Variants in PCDH11X observed in about 807,000 individuals in gnomAD.
The protein encoded by PCDH11X is protocadherin-11 X-linked.
In PCDH11X, 18 loss-of-function variants were observed where a neutral mutation model predicts 53.3. The observed-to-expected ratio is 0.34, with a 90% CI of 0.23 to 0.50. The LOEUF (loss-of-function observed/expected upper bound fraction) is 0.50, where lower values mean the gene tolerates loss of function less well. Among genes scored for constraint, PCDH11X ranks in the 20% least tolerant of loss-of-function variants. The pLI, the probability that PCDH11X is intolerant of heterozygous loss-of-function variation, is 0.98. For missense variants in PCDH11X, 570 were observed against 1,032.4 expected (o/e 0.55, Z 6.14); for synonymous variants, 279 against 393.3 (o/e 0.71, Z 3.44).
chrX:92,517,957 G>C (rs952205704), intron 10 of PCDH11X, among the ~76,000 whole-genome samples: 3 of 110,600 alleles, frequency 2.7e-5, no homozygotes, highest in Non-Finnish European at 5.7e-5. Context: ...TTGTCACAGT[G>C]CAATGATAGC....
At chrX:92,327,460 C>T (rs2069364575) in intron 8 of PCDH11X, among the ~76,000 whole-genome samples, 1 of 97,357 alleles carries the variant, frequency 1.0e-5, no homozygotes, top group African/African-American at 3.9e-5. Flanking sequence ...TAAAAAGACT[C>T]ATAAAAAAGG....
chrX:91,819,647 CT>C (rs770373562), intron 4 of PCDH11X, among the ~76,000 whole-genome samples: 10 of 105,205 alleles, frequency 9.5e-5, no homozygotes, highest in South Asian at 8.2e-4. Flanking sequence ...TTTTTCCTTT[CT>C]TTTTTTTATT....
At chrX:91,871,880 T>G (rs1321213496) in intron 5 of PCDH11X, among the ~76,000 whole-genome samples, 1 of 110,958 alleles carries the variant, frequency 9.0e-6, no homozygotes, top group African/African-American at 3.3e-5. Context: ...TAGGAAGAAA[T>G]ATCACTCACA....
chrX:92,211,317 C>T (rs1401316035), intron 7 of PCDH11X, among the ~76,000 whole-genome samples: 3 of 110,874 alleles, frequency 2.7e-5, no homozygotes, highest in Non-Finnish European at 3.8e-5. Context: ...CACTTACGAA[C>T]AACCAGGTAG....
At chrX:91,907,410 CACAGAG>C (rs1220677017) in intron 6 of PCDH11X, among the ~76,000 whole-genome samples, 4 of 56,203 alleles carry the variant, frequency 7.1e-5, no homozygotes, top group African/African-American at 3.0e-4. Flanking sequence ...CACACACACA[CACAGAG>C]AGAGAGAGAG....
intron 6 of PCDH11X, among the ~76,000 whole-genome samples, chrX:92,129,378 G>A (rs908457437): frequency 9.0e-6 from 1 of 111,541 alleles, no homozygotes; most frequent in Non-Finnish European, 1.9e-5. Flanking sequence ...GCAACAGAGC[G>A]AGACTCCGTC....
rs775521918 is a variant in PCDH11X, at chrX:91,879,405, T to C, written c.3033+132T>C. On this transcript the variant is annotated intron_variant, in intron 6 of 10. Transcript: ENST00000682573. ...AATCATATTCTACAGATGTACCCAA[T>C]AGATATATGGATTCAATTAAGTTTG... The C allele has an allele frequency of 5.6e-4, 606 of 1,083,308 alleles. 2 individuals carry two copies. In the African/African-American group the frequency reaches 0.01, roughly 18 times the overall value. The allele number at this position is 1,083,308 out of a possible 1,213,427, so 89.3% of individuals were successfully genotyped here. A position where few individuals can be genotyped will look rare whatever the true frequency, so the allele number is the denominator to read the frequency against.
intron 6 of PCDH11X, among the ~76,000 whole-genome samples, chrX:91,936,370 T>G (rs1041199411): frequency 9.2e-6 from 1 of 109,096 alleles, no homozygotes; most frequent in African/African-American, 3.3e-5. Flanking sequence ...GATGAAAATT[T>G]GATTTGCCTA....
intron 6 of PCDH11X, among the ~76,000 whole-genome samples, chrX:92,158,012 C>G (rs968596018): frequency 9.0e-6 from 1 of 110,572 alleles, no homozygotes; most frequent in East Asian, 2.9e-4. Flanking sequence ...TTCAGGAGTT[C>G]GAGACCAGCC....
chrX:92,000,626 A>G (rs1272324962), intron 6 of PCDH11X, among the ~76,000 whole-genome samples: 3 of 110,159 alleles, frequency 2.7e-5, no homozygotes, highest in Non-Finnish European at 5.7e-5. Flanking sequence ...TTAAGTTGTG[A>G]TTGACTATGG....
chrX:92,438,311 G>A (rs1429473237), intron 9 of PCDH11X, among the ~76,000 whole-genome samples: 1 of 111,031 alleles, frequency 9.0e-6, no homozygotes, highest in African/African-American at 3.3e-5. Context: ...AAACTCCCTC[G>A]GTGCTGTTGC....
At chrX:92,401,458 T>C (rs1378099402) in intron 9 of PCDH11X, among the ~76,000 whole-genome samples, 1 of 110,721 alleles carries the variant, frequency 9.0e-6, no homozygotes, top group Non-Finnish European at 1.9e-5. Flanking sequence ...ATCACAAGAG[T>C]GTTTCATTGC....
chrX:92,005,480 T>G (rs2062583663), intron 6 of PCDH11X, among the ~76,000 whole-genome samples: 1 of 111,721 alleles, frequency 9.0e-6, no homozygotes, highest in African/African-American at 3.2e-5. Context: ...AGAAAACAAA[T>G]AAAAACTCTA....
Position 92,076,936 on chromosome X carries a change from T to C in PCDH11X, c.3034-124439T>C, listed in dbSNP as rs753007409. Among the ~76,000 whole-genome samples the C allele has an allele frequency of 6.2e-5, 7 of 112,274 alleles. No homozygotes were observed. The East Asian group carries it at 1.7e-3, about 27-fold the overall frequency. Reference sequence around the variant, plus strand: ...TAAAATCATTTGTGAAGAATGTACTTATTTGATAAACAAAGCCTTCTTCAC... The same window carrying C: ...TAAAATCATTTGTGAAGAATGTACTCATTTGATAAACAAAGCCTTCTTCAC... On this transcript the variant is annotated intron_variant, in intron 6 of 10. Coordinates refer to ENST00000682573, the MANE Select transcript of PCDH11X (RefSeq NM_032968.5).
At chrX:91,913,264 C>T (rs1410568719) in intron 6 of PCDH11X, among the ~76,000 whole-genome samples, 1 of 111,475 alleles carries the variant, frequency 9.0e-6, no homozygotes, top group Non-Finnish European at 1.9e-5. Flanking sequence ...AGTACAGGAG[C>T]TGCTGCTGAT....
chrX:91,837,733 A>C (rs1937356310), intron 5 of PCDH11X, among the ~76,000 whole-genome samples: 1 of 110,905 alleles, frequency 9.0e-6, no homozygotes, highest in Admixed American at 9.6e-5. Context: ...TAAATTGAGT[A>C]ACAGAGTGGA....
At chrX:92,469,324 T>A (rs1481002202) in intron 10 of PCDH11X, among the ~76,000 whole-genome samples, 1 of 111,075 alleles carries the variant, frequency 9.0e-6, no homozygotes, top group Non-Finnish European at 1.9e-5. Context: ...TTACACTGTG[T>A]TGGGGTAGTT....
chrX:91,968,129 T>C (rs917833540), intron 6 of PCDH11X, among the ~76,000 whole-genome samples: 4 of 112,007 alleles, frequency 3.6e-5, no homozygotes, highest in Non-Finnish European at 7.5e-5. Context: ...AAGAATCAAC[T>C]CTTCACTGTA....
chrX:92,149,926 G>GT (rs1165914036), intron 6 of PCDH11X, among the ~76,000 whole-genome samples: 1 of 111,769 alleles, frequency 8.9e-6, no homozygotes, highest in African/African-American at 3.3e-5. Context: ...AAAGTAGCAT[G>GT]TACTTTATTC....
Sources: allele counts gnomAD v4.1 joint callset (sites outside exome capture counted in the v4.1 genomes callset), GRCh38; gene constraint gnomAD v4.1.1; transcripts MANE v1.5; gene names NCBI Gene and HGNC (gene_info 2026-07-23, HGNC 2026-07-21).